RIOK3: variants seen among roughly 807,000 people sequenced by gnomAD.
The protein encoded by RIOK3 is RIO kinase 3.
In RIOK3, 40 loss-of-function variants were observed where a neutral mutation model predicts 63.5. The observed-to-expected ratio is 0.63, with a 90% CI of 0.49 to 0.82. The LOEUF is 0.82. Ranked by LOEUF, RIOK3 falls within the 40% of genes least tolerant of loss-of-function variation. The pLI is 0.00. For missense variants in RIOK3, 557 were observed against 637.0 expected (o/e 0.87, Z 1.35); for synonymous variants, 193 against 205.0 (o/e 0.94, Z 0.50).
chr18:23,466,689 TAAAAA>T (rs33997769), intron 6 of RIOK3, among the ~76,000 whole-genome samples: 9 of 102,896 alleles, frequency 8.7e-5, no homozygotes, highest in Admixed American at 8.6e-4. Flanking sequence ...GACCCTGCCT[TAAAAA>T]AAAAAAAAAA....
At chr18:23,460,900 C>G (rs1361621815) in intron 1 of RIOK3, among the ~76,000 whole-genome samples, 1 of 152,172 alleles carries the variant, frequency 6.6e-6, no homozygotes, top group Non-Finnish European at 1.5e-5. Flanking sequence ...AAAGACACAC[C>G]AGACTTTCAG....
At chr18:23,476,154 A>G (rs1159339200) in intron 9 of RIOK3, among the ~76,000 whole-genome samples, 1 of 152,142 alleles carries the variant, frequency 6.6e-6, no homozygotes, top group East Asian at 1.9e-4. Flanking sequence ...GAGAGTGATG[A>G]TGAAAATTGA....
intron 1 of RIOK3, among the ~76,000 whole-genome samples, chr18:23,462,048 G>T (rs1157161634): frequency 1.6e-4 from 23 of 144,476 alleles, no homozygotes; most frequent in Admixed American, 1.5e-3. Context: ...CCGAGATCAC[G>T]CCACTGTACT....
chr18:23,476,306 T>C (rs929856668), intron 9 of RIOK3, among the ~76,000 whole-genome samples: 1 of 152,226 alleles, frequency 6.6e-6, no homozygotes, highest in Admixed American at 6.5e-5. Flanking sequence ...TATCCCTCTG[T>C]GTTTTAATTG....
rs769335281 is a variant in RIOK3 at position 23,463,012 on chromosome 18, G to C, written c.112G>C (p.Val38Leu). 6.2e-7 allele frequency: 1 copy of C among 1,609,056 alleles called. No homozygotes were observed. Among genetic ancestry groups the C allele is most frequent in the Admixed American group, 1.7e-5 (1 of 58,990 alleles). ...QNTISCSLAD[V>L]MSEQLAKELQ... ...TACAATATCTTGTTCTTTGGCTGATGTAATGAGTGAACAGCTGGCCAAAGA... is the reference window on the plus strand; with the variant it reads ...TACAATATCTTGTTCTTTGGCTGATCTAATGAGTGAACAGCTGGCCAAAGA... The change falls in exon 2 of 13, where the codon GTA (valine) becomes CTA (leucine). Residue 38 changes from valine (V) to leucine (L), a missense_variant. Coordinates refer to ENST00000339486, the MANE Select transcript of RIOK3 (RefSeq NM_003831.5).
intron 6 of RIOK3, 88 bp from the exon 7 acceptor site, chr18:23,467,311 T>G (rs1167351007): frequency 7.9e-7 from 1 of 1,273,366 alleles, no homozygotes. Context: ...CAAGACTCCG[T>G]CTCAAAAAAA....
intron 6 of RIOK3, 48 bp from the exon 7 acceptor site, chr18:23,467,351 T>G (rs746044753): frequency 1.9e-6 from 3 of 1,565,386 alleles, no homozygotes; most frequent in Non-Finnish European, 2.6e-6. Context: ...TCAGAAAATA[T>G]TTTGTGATTA....
Position 23,477,246 on chromosome 18 carries a change from G to A in RIOK3, c.1322G>A (p.Arg441Gln), listed in dbSNP as rs33969048. 3.7e-3 allele frequency: 6,027 copies of A among 1,614,006 alleles called. 26 individuals carry two copies. The highest frequency in any genetic ancestry group is 4.7e-3 in the Non-Finnish European group (5,498 of 1,179,884). ...THPHGLEFLF[R>Q]DCRNVSQFFQ... ...CCTCACGGCCTGGAGTTCTTGTTCC[G>A]GGACTGCAGGAATGTCTCGCAGGTA... Residue 441 changes from arginine (R) to glutamine (Q), a missense_variant, in exon 11 of 13, where the codon CGG becomes CAG. Around this residue, in one of 3 missense-constraint regions of RIOK3, gnomAD observed 309 missense variants for 338.7 expected, o/e 0.91. Coordinates refer to ENST00000339486, the MANE Select transcript of RIOK3 (RefSeq NM_003831.5).
intron 6 of RIOK3, among the ~76,000 whole-genome samples, chr18:23,466,706 A>AT (rs997853561): frequency 6.6e-6 from 1 of 151,154 alleles, no homozygotes; most frequent in Non-Finnish European, 1.5e-5. Flanking sequence ...AAAAAAAAAA[A>AT]AAAAAATGTA....
At position 23,482,955 on chromosome 18, in the gene RIOK3, CT is replaced by C. The variant is rs1418594953; in HGVS notation, c.*1677del. 6.7e-6 allele frequency: 1 copy of C among 149,474 alleles called. No individual in the cohort carries two copies. Among genetic ancestry groups the C allele is most frequent in the East Asian group, 1.9e-4 (1 of 5,192 alleles). 9.3% of individuals were successfully genotyped at this position (149,474 alleles called of 1,614,324 possible). On this transcript the variant is annotated 3_prime_UTR_variant, in exon 13 of 13. Transcript: ENST00000339486. The stretch of plus-strand genomic sequence containing the variant: ...GATTCCAAAATAAAGATTTATATGA[CT>C]GGTGATACTGGCTTTACAGAAATTT...
In RIOK3 at chr18:23,453,415, T is replaced by A; in HGVS notation, c.-25T>A. 1 of 1,604,172 alleles carries A rather than the reference T, an allele frequency of 6.2e-7. No individual in the cohort carries two copies. Among genetic ancestry groups the A allele is most frequent in the Non-Finnish European group, 8.5e-7 (1 of 1,171,288 alleles). The stretch of plus-strand genomic sequence containing the variant: ...CCCGTCCTGCCACCTCTCTGCTCTG[T>A]TCTTGTCTCTGCCTTCATTCCCGAA... On this transcript the variant is annotated 5_prime_UTR_variant, in exon 1 of 13. Transcript: ENST00000339486.
At chr18:23,459,310 G>A (rs1193643166) in intron 1 of RIOK3, among the ~76,000 whole-genome samples, 1 of 152,186 alleles carries the variant, frequency 6.6e-6, no homozygotes, top group Non-Finnish European at 1.5e-5. Context: ...ATGTAGAAAG[G>A]CGTCAGACCT....
intron 7 of RIOK3, 30 bp downstream of exon 7, chr18:23,467,556 T>C (rs746919632): frequency 6.2e-7 from 1 of 1,601,760 alleles, no homozygotes; most frequent in Non-Finnish European, 8.5e-7. Context: ...TACCATGATA[T>C]GAAAACTTAG....
At chr18:23,455,536 T>C (rs2057334285) in intron 1 of RIOK3, among the ~76,000 whole-genome samples, 3 of 150,646 alleles carry the variant, frequency 2.0e-5, no homozygotes, top group Non-Finnish European at 4.4e-5. Flanking sequence ...GGACCACAGG[T>C]GCCCACCACC....
chr18:23,476,750 A>C (rs759955856), intron 9 of RIOK3, among the ~76,000 whole-genome samples: 4 of 151,974 alleles, frequency 2.6e-5, no homozygotes, highest in Non-Finnish European at 5.9e-5. Context: ...CTACTAAAAA[A>C]AATTACAAAA....
chr18:23,455,325 G>A (rs977771612), intron 1 of RIOK3, among the ~76,000 whole-genome samples: 1 of 150,862 alleles, frequency 6.6e-6, no homozygotes, highest in Non-Finnish European at 1.5e-5. Context: ...CACCCGCCTC[G>A]GCCTCCCACA....
intron 1 of RIOK3, among the ~76,000 whole-genome samples, chr18:23,454,865 A>G (rs1363176443): frequency 1.3e-5 from 2 of 152,218 alleles, no homozygotes; most frequent in African/African-American, 4.8e-5. Context: ...AAGTACTATC[A>G]TTAATCCTTT....
At chr18:23,462,492 A>C (rs953684376) in intron 1 of RIOK3, among the ~76,000 whole-genome samples, 1 of 152,272 alleles carries the variant, frequency 6.6e-6, no homozygotes, top group Admixed American at 6.5e-5. Context: ...AGGGGCTGAC[A>C]TAATTTGTAC....
intron 1 of RIOK3, among the ~76,000 whole-genome samples, chr18:23,455,032 C>G (rs1307660536): frequency 6.6e-6 from 1 of 150,852 alleles, no homozygotes; most frequent in East Asian, 1.9e-4. Context: ...CTTTCCTTTC[C>G]TTTCTTTCCT....
Sources: allele counts gnomAD v4.1 joint callset (sites outside exome capture counted in the v4.1 genomes callset), GRCh38; gene constraint gnomAD v4.1.1; regional missense constraint gnomAD v4.1.1; transcripts MANE v1.5; gene names NCBI Gene and HGNC (gene_info 2026-07-23, HGNC 2026-07-21).